Variants in DIAPH2 observed in about 807,000 individuals in gnomAD.
The protein encoded by DIAPH2 is diaphanous related formin 2, also known as protein diaphanous homolog 2.
DIAPH2 carries 35 observed loss-of-function variants against 92.7 expected under a neutral mutation model. The observed-to-expected ratio is 0.38, with a 90% CI of 0.29 to 0.50. The LOEUF (loss-of-function observed/expected upper bound fraction) is 0.50, where lower values mean the gene tolerates loss of function less well. DIAPH2 is among the 20% of genes least tolerant of loss of function. The pLI is 0.94. For synonymous variants in DIAPH2, 301 were observed against 280.4 expected (o/e 1.07, Z -0.73); for missense variants, 701 against 819.5 (o/e 0.86, Z 1.77).
At chrX:96,869,557 C>CACTACT (rs58876338) in intron 4 of DIAPH2, among the ~76,000 whole-genome samples, 36,951 of 97,721 alleles carry the variant, frequency 0.38, 6,125 homozygotes, top group East Asian at 0.6. Context: ...CTACTACTAC[C>CACTACT]ACTACTACTA....
intron 22 of DIAPH2, among the ~76,000 whole-genome samples, chrX:97,237,582 T>A (rs1602439417): frequency 2.0e-5 from 2 of 102,309 alleles, no homozygotes; most frequent in Admixed American, 2.2e-4. Flanking sequence ...TTCTTTTTTC[T>A]ATTTTTTTTT....
intron 22 of DIAPH2, among the ~76,000 whole-genome samples, chrX:97,145,022 C>T (rs947601736): frequency 2.7e-5 from 3 of 111,901 alleles, no homozygotes; most frequent in Non-Finnish European, 5.6e-5. Flanking sequence ...GCCTTGGCCT[C>T]CCAAAGTGCT....
At chrX:97,182,452 AT>A (rs1208565157) in intron 22 of DIAPH2, among the ~76,000 whole-genome samples, 2 of 111,290 alleles carry the variant, frequency 1.8e-5, no homozygotes, top group African/African-American at 3.3e-5. Flanking sequence ...TAGCAGAGGA[AT>A]TTTATCAAGA....
chrX:97,077,399 T>C (rs765565866), intron 19 of DIAPH2, among the ~76,000 whole-genome samples: 1 of 112,768 alleles, frequency 8.9e-6, no homozygotes, highest in East Asian at 2.8e-4. Context: ...AGCACATCGA[T>C]AATGCATGGC....
At chrX:97,262,078 C>A (rs1602459350) in intron 23 of DIAPH2, among the ~76,000 whole-genome samples, 3 of 75,208 alleles carry the variant, frequency 4.0e-5, no homozygotes, top group African/African-American at 5.1e-5. Context: ...AGTGGAGATT[C>A]AGTGATGAGA....
At chrX:97,569,668 C>G (rs1216351739) in intron 26 of DIAPH2, among the ~76,000 whole-genome samples, 1 of 110,935 alleles carries the variant, frequency 9.0e-6, no homozygotes, top group Non-Finnish European at 1.9e-5. Context: ...TATAAAATTA[C>G]AAAAGTTTCA....
intron 17 of DIAPH2, among the ~76,000 whole-genome samples, chrX:96,997,035 T>A (rs1258332454): frequency 1.8e-5 from 2 of 112,086 alleles, no homozygotes; most frequent in African/African-American, 6.5e-5. Flanking sequence ...GTTGCAGTTG[T>A]TTCATGGTGA....
chrX:97,583,341 G>T (rs1399767621), intron 26 of DIAPH2, among the ~76,000 whole-genome samples: 1 of 109,088 alleles, frequency 9.2e-6, no homozygotes, highest in Non-Finnish European at 1.9e-5. Flanking sequence ...GTGATGTACA[G>T]ATGGGTTTTT....
chrX:96,933,751 G>A (rs1049797508), intron 10 of DIAPH2, among the ~76,000 whole-genome samples: 2 of 101,323 alleles, frequency 2.0e-5, no homozygotes, highest in African/African-American at 3.6e-5. Context: ...CTACAGGTGC[G>A]CGCCATCATG....
intron 17 of DIAPH2, among the ~76,000 whole-genome samples, chrX:96,977,402 C>T (rs1025978178): frequency 1.8e-5 from 2 of 111,581 alleles, no homozygotes; most frequent in East Asian, 2.8e-4. Flanking sequence ...TGTCATTAGG[C>T]ATTTGGTAAT....
chrX:96,747,464 GT>G (rs2064157797), intron 3 of DIAPH2, among the ~76,000 whole-genome samples: 1 of 111,975 alleles, frequency 8.9e-6, no homozygotes, highest in Non-Finnish European at 1.9e-5. Context: ...CAAATTTGAT[GT>G]TTTACACTCT....
At chrX:96,745,770 T>G (rs555521701) in intron 3 of DIAPH2, among the ~76,000 whole-genome samples, 146 of 112,370 alleles carry the variant, frequency 1.3e-3, no homozygotes, top group Middle Eastern at 4.6e-3. Context: ...AATGTCTCAT[T>G]GACTCTGGCA....
chrX:96,692,414 A>G (rs1318622779), intron 1 of DIAPH2, among the ~76,000 whole-genome samples: 1 of 112,164 alleles, frequency 8.9e-6, no homozygotes, highest in Non-Finnish European at 1.9e-5. Context: ...TTTTTGATCT[A>G]AGGTGTACCT....
chrX:96,793,604 C>T (rs767139628), intron 4 of DIAPH2: 1 of 374,300 alleles, frequency 2.7e-6, no homozygotes, highest in Non-Finnish European at 5.2e-6. Context: ...TCAGACTGTT[C>T]CCTTCTCACT....
intron 23 of DIAPH2, among the ~76,000 whole-genome samples, chrX:97,324,837 A>G (rs766120868): frequency 6.4e-4 from 71 of 110,090 alleles, no homozygotes; most frequent in Admixed American, 3.9e-3. Flanking sequence ...CTCTTGCTCT[A>G]TCGCCCAGGC....
At chrX:97,346,995 C>T (rs2069162801) in intron 23 of DIAPH2, among the ~76,000 whole-genome samples, 1 of 110,055 alleles carries the variant, frequency 9.1e-6, no homozygotes. Flanking sequence ...TCACCTTCTT[C>T]CTTCTCTGTT....
intron 5 of DIAPH2, among the ~76,000 whole-genome samples, chrX:96,883,439 G>A (rs2065233665): frequency 9.3e-6 from 1 of 107,185 alleles, no homozygotes; most frequent in Non-Finnish European, 1.9e-5. Context: ...GGAGTGCAGT[G>A]GTGCTGTCTC....
At chrX:96,718,976 T>C (rs1185655486) in intron 1 of DIAPH2, among the ~76,000 whole-genome samples, 2 of 111,678 alleles carry the variant, frequency 1.8e-5, no homozygotes, top group African/African-American at 6.5e-5. Context: ...AAAGCAATTT[T>C]AACTGGGGGT....
chrX:97,054,219 A>G (rs983869042), intron 17 of DIAPH2, among the ~76,000 whole-genome samples: 54 of 112,232 alleles, frequency 4.8e-4, no homozygotes, highest in African/African-American at 1.7e-3. Flanking sequence ...TTAGATTAGG[A>G]TACAATTTAG....
Sources: gnomAD v4.1 joint callset for allele counts (sites outside exome capture counted in the v4.1 genomes callset) on GRCh38, gnomAD v4.1.1 for gene constraint, MANE v1.5 for transcripts, NCBI Gene and HGNC (gene_info 2026-07-23, HGNC 2026-07-21) for gene names.